The following MAP3K7 variants were observed in gnomAD, a reference collection of about 807,000 sequenced individuals.
MAP3K7 encodes TGF-beta activated kinase 1.
MAP3K7 carries 21 observed loss-of-function variants against 84.8 expected under a neutral mutation model. That is an observed-to-expected ratio of 0.25 (90% CI 0.18 to 0.36). The LOEUF (loss-of-function observed/expected upper bound fraction) is 0.36, where lower values mean the gene tolerates loss of function less well. Ranked by LOEUF, MAP3K7 falls within the 10% of genes least tolerant of loss-of-function variation. MAP3K7 has a pLI of 1.00. For missense variants in MAP3K7, 503 were observed against 747.7 expected, an observed-to-expected ratio of 0.67 and a Z score of 3.82; for synonymous variants, 241 against 247.7, an observed-to-expected ratio of 0.97 and a Z score of 0.25.
At chr6:90,542,268 T>C (rs1449486962) in intron 12 of MAP3K7, 1 of 984,344 alleles carries the variant, frequency 1.0e-6, no homozygotes, top group African/African-American at 1.7e-5. Context: ...ACATTCATGA[T>C]TGGCTTTTAT....
intron 13 of MAP3K7, among the ~76,000 whole-genome samples, chr6:90,532,329 C>T (rs1051621629): frequency 1.3e-5 from 2 of 152,070 alleles, no homozygotes; most frequent in Admixed American, 6.5e-5. Flanking sequence ...ATATCAAGAG[C>T]CCGGTGAGGC....
intron 14 of MAP3K7, among the ~76,000 whole-genome samples, chr6:90,519,866 A>G (rs995012073): frequency 1.3e-5 from 2 of 152,032 alleles, no homozygotes; most frequent in Non-Finnish European, 2.9e-5. Flanking sequence ...CACTGCAGAA[A>G]ACGAGATGTT....
At chr6:90,578,323 AG>A (rs1346644231) in intron 1 of MAP3K7, among the ~76,000 whole-genome samples, 1 of 152,102 alleles carries the variant, frequency 6.6e-6, no homozygotes, top group African/African-American at 2.4e-5. Flanking sequence ...CCCATGCTGG[AG>A]TGCAGTGGCG....
At chr6:90,520,753 C>T (rs902942043) in intron 14 of MAP3K7, among the ~76,000 whole-genome samples, 13 of 152,006 alleles carry the variant, frequency 8.6e-5, no homozygotes, top group African/African-American at 3.1e-4. Context: ...AAGAAATATA[C>T]TTAATTTGTT....
rs548133972 is a variant in MAP3K7 at position 90,515,999 on chromosome 6, G to C, written c.*502C>G. On this transcript the variant is annotated 3_prime_UTR_variant, in exon 17 of 17. Transcript: ENST00000369329. Reference sequence around the variant, plus strand: ...ACACGGAACTATCCCTAAAGGTTCCGTATTTCCGTAATATACCACCAATCA... The same window carrying C: ...ACACGGAACTATCCCTAAAGGTTCCCTATTTCCGTAATATACCACCAATCA... The C allele has an allele frequency of 4.4e-5, 7 of 159,912 alleles. No homozygotes were observed. Among genetic ancestry groups the C allele is most frequent in the Admixed American group, 6.4e-5 (1 of 15,736 alleles). 9.9% of individuals were successfully genotyped at this position (159,912 alleles called of 1,614,324 possible). A position where few individuals can be genotyped will look rare whatever the true frequency, so the allele number is the denominator to read the frequency against.
chr6:90,549,258 C>T (rs1410739306), intron 9 of MAP3K7, among the ~76,000 whole-genome samples: 1 of 152,070 alleles, frequency 6.6e-6, no homozygotes, highest in African/African-American at 2.4e-5. Context: ...AGAGAAAGAG[C>T]AAACAAGATC....
chr6:90,557,707 A>G (rs1391671768), intron 5 of MAP3K7, among the ~76,000 whole-genome samples: 1 of 152,184 alleles, frequency 6.6e-6, no homozygotes, highest in Admixed American at 6.5e-5. Context: ...ATGATTCAAG[A>G]TAATTTTCCT....
intron 7 of MAP3K7, 83 bp from the exon 8 acceptor site, chr6:90,552,262 G>A (rs1019312504): frequency 7.8e-7 from 1 of 1,278,310 alleles, no homozygotes; most frequent in African/African-American, 1.5e-5. Context: ...TTTCCAAAGT[G>A]GTATTTATTT....
intron 11 of MAP3K7, among the ~76,000 whole-genome samples, chr6:90,545,633 T>C (rs1379038385): frequency 6.6e-6 from 1 of 152,120 alleles, no homozygotes; most frequent in Non-Finnish European, 1.5e-5. Flanking sequence ...TGGAGACTCA[T>C]GGGCTTGTCA....
chr6:90,523,219 G>C (rs552746412), intron 14 of MAP3K7, among the ~76,000 whole-genome samples: 2 of 152,112 alleles, frequency 1.3e-5, no homozygotes, highest in East Asian at 3.9e-4. Flanking sequence ...CAATTCAAAA[G>C]GTCAATGGTC....
At position 90,586,984 on chromosome 6, in the gene MAP3K7, C is replaced by T. The variant is rs1025902250; in HGVS notation, c.-101G>A. On this transcript the variant is annotated 5_prime_UTR_variant, in exon 1 of 17. Coordinates refer to ENST00000369329, the MANE Select transcript of MAP3K7 (RefSeq NM_145331.3). ...TCCGGACCGACCCTCAGCCTGGAGC[C>T]GCGCAGTCCTACTACCCGGCGATCC... 1.8e-5 allele frequency: 24 copies of T among 1,356,034 alleles called. 1 individual carries two copies. The highest frequency in any genetic ancestry group is 6.1e-5 in the South Asian group (4 of 65,298). The allele number at this position is 1,356,034 out of a possible 1,614,324, so 84.0% of individuals were successfully genotyped here.
chr6:90,517,334 T>C (rs941423387), intron 16 of MAP3K7, among the ~76,000 whole-genome samples: 2 of 151,948 alleles, frequency 1.3e-5, no homozygotes, highest in African/African-American at 4.8e-5. Flanking sequence ...GATGCATCTT[T>C]AGGCATTTCC....
At chr6:90,556,951 G>C (rs1383358442) in intron 5 of MAP3K7, among the ~76,000 whole-genome samples, 5 of 151,986 alleles carry the variant, frequency 3.3e-5, no homozygotes, top group Non-Finnish European at 7.4e-5. Context: ...ACTTCTGTTA[G>C]GTCAACATTA....
At chr6:90,572,489 A>C (rs905974488) in intron 1 of MAP3K7, among the ~76,000 whole-genome samples, 4 of 152,040 alleles carry the variant, frequency 2.6e-5, no homozygotes, top group Non-Finnish European at 4.4e-5. Flanking sequence ...AAATCTATAG[A>C]TAGATACCTG....
chr6:90,543,567 T>C (rs1158306936), intron 12 of MAP3K7, among the ~76,000 whole-genome samples: 3 of 152,118 alleles, frequency 2.0e-5, no homozygotes, highest in Non-Finnish European at 2.9e-5. Flanking sequence ...TATCCTTACA[T>C]AGTTTTCAGT....
Position 90,548,112 on chromosome 6 carries a change from G to T in MAP3K7, c.1015C>A (p.Pro339Thr). ...CGCTTAATAGTATCATTTGTGGCAG[G>T]AACTTGCTCCATATTAGTGTCACTT... is the stretch of plus-strand genomic sequence containing the variant. ...NKSDTNMEQV[P>T]ATNDTIKRLE... Residue 339 changes from proline (P) to threonine (T), a missense_variant, in exon 10 of 17, where the codon CCT becomes ACT. Physicochemically the swap from Pro to Thr is conservative, Grantham distance 38. Around this residue, in one of 5 missense-constraint regions of MAP3K7, gnomAD observed 286 missense variants for 313.6 expected, o/e 0.91. Coordinates refer to ENST00000369329, the MANE Select transcript of MAP3K7 (RefSeq NM_145331.3). 1 of 1,612,088 alleles carries T rather than the reference G, an allele frequency of 6.2e-7. No homozygotes were observed. Among genetic ancestry groups the T allele is most frequent in the South Asian group, 1.1e-5 (1 of 90,928 alleles).
chr6:90,573,192 AG>A (rs980643660), intron 1 of MAP3K7, among the ~76,000 whole-genome samples: 3 of 152,212 alleles, frequency 2.0e-5, no homozygotes, highest in Non-Finnish European at 4.4e-5. Flanking sequence ...GTCTGATGCC[AG>A]GTAGTCTAAC....
intron 13 of MAP3K7, among the ~76,000 whole-genome samples, chr6:90,531,794 A>G (rs1775514221): frequency 1.3e-5 from 2 of 151,962 alleles, no homozygotes; most frequent in Non-Finnish European, 2.9e-5. Flanking sequence ...CTCCACTAAA[A>G]ATAAAACAAA....
At chr6:90,578,564 T>C (rs1777162133) in intron 1 of MAP3K7, among the ~76,000 whole-genome samples, 1 of 152,124 alleles carries the variant, frequency 6.6e-6, no homozygotes, top group Non-Finnish European at 1.5e-5. Context: ...CGTGAACCAC[T>C]GCACCTGGCC....
Sources: gnomAD v4.1 joint callset for allele counts (sites outside exome capture counted in the v4.1 genomes callset) on GRCh38, gnomAD v4.1.1 for gene constraint, gnomAD v4.1.1 regional missense constraint, MANE v1.5 for transcripts, NCBI Gene and HGNC (gene_info 2026-07-23, HGNC 2026-07-21) for gene names.